KALRN: variants seen among roughly 807,000 people sequenced by gnomAD.
KALRN encodes kalirin.
In KALRN, 70 loss-of-function variants were observed where a neutral mutation model predicts 353.7. The ratio of observed to expected loss-of-function variants is 0.20; its 90% CI spans 0.16 to 0.24. The LOEUF (loss-of-function observed/expected upper bound fraction) is 0.24, where lower values mean the gene tolerates loss of function less well. Ranked by LOEUF, KALRN falls within the 10% of genes least tolerant of loss-of-function variation. KALRN has a pLI of 1.00. For synonymous variants in KALRN, 1,391 were observed against 1,434.8 expected (o/e 0.97, Z 0.69); for missense variants, 2,791 against 3,756.7 (o/e 0.74, Z 6.72).
intron 9 of KALRN, among the ~76,000 whole-genome samples, chr3:124,335,349 A>G (rs917691845): frequency 6.6e-6 from 1 of 152,088 alleles, no homozygotes; most frequent in Non-Finnish European, 1.5e-5. Flanking sequence ...GTTATTCCTG[A>G]CTTTATGTAG....
intron 11 of KALRN, among the ~76,000 whole-genome samples, chr3:124,391,638 G>A (rs2089402620): frequency 2.0e-5 from 3 of 152,162 alleles, no homozygotes; most frequent in African/African-American, 7.2e-5. Flanking sequence ...AAAAATTACA[G>A]CCTAATAAAT....
At chr3:124,108,137 A>C (rs1056212411) in intron 1 of KALRN, among the ~76,000 whole-genome samples, 3 of 152,192 alleles carry the variant, frequency 2.0e-5, no homozygotes, top group African/African-American at 7.2e-5. Flanking sequence ...ACTTAGCACA[A>C]GGAACAAAGG....
At chr3:124,325,832 C>T in intron 6 of KALRN, 148 bp from the exon 7 acceptor site, 1 of 512,496 alleles carries the variant, frequency 2.0e-6, no homozygotes, top group East Asian at 3.0e-5. Flanking sequence ...TTCCCTTGGG[C>T]CAAAAACAAA....
In KALRN at chr3:124,429,630, T is replaced by C. The variant is rs529098131; in HGVS notation, c.2710-1026T>C. ...CCAGTTGCATTATTTGCTCTGACTT[T>C]ATTAGCTGGATAATTGCCACATCCC... On this transcript the variant is annotated intron_variant, in intron 15 of 59. Transcript: ENST00000682506. Among the ~76,000 whole-genome samples, 37 of 152,322 alleles carry C rather than the reference T, an allele frequency of 2.4e-4. No individual in the cohort carries two copies. In the Middle Eastern group the frequency reaches 0.01, roughly 42 times the overall value.
At chr3:124,636,415 A>G (rs2081354239) in intron 36 of KALRN, among the ~76,000 whole-genome samples, 1 of 152,120 alleles carries the variant, frequency 6.6e-6, no homozygotes, top group Non-Finnish European at 1.5e-5. Flanking sequence ...CACACAAACA[A>G]CCACATGGAC....
chr3:124,412,735 TTCA>T (rs1453945840), intron 13 of KALRN, among the ~76,000 whole-genome samples: 4 of 152,252 alleles, frequency 2.6e-5, no homozygotes, highest in Non-Finnish European at 5.9e-5. Flanking sequence ...ATTAATGCCT[TTCA>T]ATTGATTAAA....
intron 10 of KALRN, among the ~76,000 whole-genome samples, chr3:124,364,739 C>A (rs1201149747): frequency 1.3e-5 from 2 of 152,192 alleles, no homozygotes; most frequent in Non-Finnish European, 2.9e-5. Context: ...TCCCTCCCAC[C>A]AGCTTTCCAC....
In KALRN at chr3:124,523,243, G is replaced by A. The variant is rs143930473; in HGVS notation, c.4935+26830G>A. On this transcript the variant is annotated intron_variant, in intron 33 of 59. Coordinates refer to ENST00000682506, the MANE Select transcript of KALRN (RefSeq NM_001388419.1). The stretch of plus-strand genomic sequence containing the variant: ...TTTCATAACACTAGCTATAGCTTTC[G>A]CCTGAGACATCTATTCTGGGATCAT... 1.4e-4 allele frequency among the ~76,000 whole-genome samples: 22 copies of A among 152,076 alleles called. No homozygotes were observed. In the East Asian group the frequency reaches 1.9e-3, roughly 13 times the overall value.
At chr3:124,144,845 G>A (rs2067127079) in intron 1 of KALRN, among the ~76,000 whole-genome samples, 1 of 152,170 alleles carries the variant, frequency 6.6e-6, no homozygotes, top group South Asian at 2.1e-4. Flanking sequence ...TGGCACCCTG[G>A]ACTGAAGGCT....
rs189583959 is a variant in KALRN, at chr3:124,190,831, A to G, written c.74-37159A>G. ...AGCAGACACCAACTGGGTGCCCTAT[A>G]ATTAAATTCAATTCTGACATTATCT... On this transcript the variant is annotated intron_variant, in intron 1 of 59. Coordinates refer to ENST00000682506, the MANE Select transcript of KALRN (RefSeq NM_001388419.1). Among the ~76,000 whole-genome samples, 50 of 152,274 alleles carry G rather than the reference A, an allele frequency of 3.3e-4. 1 individual carries two copies. Among genetic ancestry groups the G allele is most frequent in the African/African-American group, 1.2e-3 (48 of 41,552 alleles).
intron 19 of KALRN, 26 bp from the exon 20 acceptor site, chr3:124,446,135 C>G (rs767595428): frequency 6.5e-6 from 10 of 1,527,146 alleles, no homozygotes; most frequent in Non-Finnish European, 8.2e-6. Flanking sequence ...CCCCTTGTGA[C>G]CATCATGCAT....
chr3:124,548,127 C>T (rs1057459983), intron 33 of KALRN, among the ~76,000 whole-genome samples: 1 of 152,100 alleles, frequency 6.6e-6, no homozygotes, highest in African/African-American at 2.4e-5. Flanking sequence ...AATATTTTGT[C>T]CAGGACATAT....
chr3:124,449,661 C>G (rs941952194), intron 21 of KALRN, among the ~76,000 whole-genome samples: 1 of 152,108 alleles, frequency 6.6e-6, no homozygotes, highest in African/African-American at 2.4e-5. Context: ...TTTTCATTAC[C>G]CTAGAAAGAA....
At chr3:124,279,105 C>G (rs2075083533) in intron 5 of KALRN, among the ~76,000 whole-genome samples, 1 of 152,050 alleles carries the variant, frequency 6.6e-6, no homozygotes, top group Admixed American at 6.6e-5. Context: ...CTTCCTTGGT[C>G]AGAGTTAAGG....
intron 33 of KALRN, among the ~76,000 whole-genome samples, chr3:124,497,175 G>T (rs978310489): frequency 6.6e-6 from 1 of 152,210 alleles, no homozygotes; most frequent in African/African-American, 2.4e-5. Flanking sequence ...ATTTGTAGCA[G>T]GGGGAGGAAA....
At chr3:124,300,485 G>T (rs529719224) in intron 6 of KALRN, among the ~76,000 whole-genome samples, 1 of 152,298 alleles carries the variant, frequency 6.6e-6, no homozygotes, top group Admixed American at 6.5e-5. Flanking sequence ...TGCCAGTCTT[G>T]CCAGGCAAAG....
At chr3:124,172,649 C>G (rs1397911123) in intron 1 of KALRN, among the ~76,000 whole-genome samples, 1 of 151,836 alleles carries the variant, frequency 6.6e-6, no homozygotes, top group Non-Finnish European at 1.5e-5. Flanking sequence ...GAAAATTTGC[C>G]AGGGGCGCCC....
At chr3:124,380,062 G>C (rs2087126652) in intron 10 of KALRN, among the ~76,000 whole-genome samples, 1 of 152,066 alleles carries the variant, frequency 6.6e-6, no homozygotes, top group Non-Finnish European at 1.5e-5. Flanking sequence ...CTTTTGAATA[G>C]TAAGGGTGAC....
intron 1 of KALRN, among the ~76,000 whole-genome samples, chr3:124,125,273 G>A (rs1240249947): frequency 1.3e-5 from 2 of 152,196 alleles, no homozygotes; most frequent in Admixed American, 1.3e-4. Flanking sequence ...GAAGAGATTT[G>A]CCCATGGCTT....
Sources: allele counts gnomAD v4.1 joint callset (sites outside exome capture counted in the v4.1 genomes callset), GRCh38; gene constraint gnomAD v4.1.1; transcripts MANE v1.5; gene names NCBI Gene and HGNC (gene_info 2026-07-23, HGNC 2026-07-21).